Variants in NPHP3 observed in about 807,000 individuals in gnomAD.
NPHP3 encodes the protein nephrocystin 3.
NPHP3 carries 123 observed loss-of-function variants against 171.9 expected under a neutral mutation model. That is an observed-to-expected ratio of 0.72 (90% CI 0.62 to 0.83). NPHP3 has a LOEUF of 0.83. Among genes scored for constraint, NPHP3 ranks in the 40% least tolerant of loss-of-function variants. The pLI is 0.00. For missense variants in NPHP3, 1,506 were observed against 1,591.9 expected, an observed-to-expected ratio of 0.95 and a Z score of 0.92; for synonymous variants, 558 against 579.2, an observed-to-expected ratio of 0.96 and a Z score of 0.52.
intron 17 of NPHP3, among the ~76,000 whole-genome samples, chr3:132,692,424 T>C (rs534447454): frequency 1.3e-5 from 2 of 152,244 alleles, no homozygotes; most frequent in Non-Finnish European, 2.9e-5. Context: ...GACTTATTTT[T>C]TAATTTTAAA....
At chr3:132,711,921 A>G (rs1001278234) in intron 6 of NPHP3, among the ~76,000 whole-genome samples, 1 of 152,206 alleles carries the variant, frequency 6.6e-6, no homozygotes, top group East Asian at 1.9e-4. Context: ...AGGGTCTACA[A>G]TGGGTTATGC....
Position 132,683,477 on chromosome 3 carries a change from A to G in NPHP3, c.3618T>C (p.Ile1206=). The G allele has an allele frequency of 6.2e-7, 1 of 1,613,306 alleles. No homozygotes were observed. Residue 1206 remains isoleucine, a synonymous_variant, in exon 25 of 27, where the codon ATT becomes ATC. Transcript: ENST00000337331. ...GCTTTGGGCCAAAAGATTTCTGTCG[A>G]ATTTCAACAGCCAATTCATACAAAG... is the stretch of plus-strand genomic sequence containing the variant. ...AVPLYELAVE[I]RQKSFGPKHP... is the part of the protein sequence containing the mutation.
chr3:132,695,978 T>C (rs1939443234), intron 15 of NPHP3, among the ~76,000 whole-genome samples: 1 of 152,124 alleles, frequency 6.6e-6, no homozygotes, highest in African/African-American at 2.4e-5. Flanking sequence ...AATGTAAAGT[T>C]TCAGAAGATT....
At chr3:132,710,376 A>G (rs1481282717) in intron 6 of NPHP3, among the ~76,000 whole-genome samples, 1 of 151,890 alleles carries the variant, frequency 6.6e-6, no homozygotes, top group East Asian at 1.9e-4. Context: ...AATGAAACCA[A>G]TAATAGGGCC....
Position 132,697,339 on chromosome 3 carries a change from T to A in NPHP3, c.2009A>T (p.Asp670Val). Residue 670 changes from aspartate (D) to valine (V), a missense_variant, in exon 14 of 27, where the codon GAT becomes GTT. Asp to Val is a radical substitution (Grantham distance 152). Coordinates refer to ENST00000337331, the MANE Select transcript of NPHP3 (RefSeq NM_153240.5). ...AWRLWPTLHLDPLSPKDAKSI... is the reference protein window; with the variant it reads ...AWRLWPTLHLVPLSPKDAKSI... ...TTTTGCATCTTTTGGACTTAAGGGA[T>A]CAAGATGAAGTGTAGGCCACAACCT... is the stretch of plus-strand genomic sequence containing the variant. 1 of 1,611,378 alleles carries A rather than the reference T, an allele frequency of 6.2e-7. No homozygotes were observed. Among genetic ancestry groups the A allele is most frequent in the Non-Finnish European group, 8.5e-7 (1 of 1,178,858 alleles).
chr3:132,692,638 C>T lies in NPHP3; in HGVS notation c.2475+16G>A. The T allele has an allele frequency of 6.2e-7, 1 of 1,610,776 alleles. No individual in the cohort carries two copies. Among genetic ancestry groups the T allele is most frequent in the Non-Finnish European group, 8.5e-7 (1 of 1,177,258 alleles). On this transcript the variant is annotated intron_variant, in intron 17 of 26. Coordinates refer to ENST00000337331, the MANE Select transcript of NPHP3 (RefSeq NM_153240.5). ...TCTTAAATAAATAAATAAAAAGATG[C>T]CTAAAATAACATTACCTGCAGATGT... is the stretch of plus-strand genomic sequence containing the variant.
At chr3:132,711,226 C>T (rs945473147) in intron 6 of NPHP3, among the ~76,000 whole-genome samples, 8 of 152,104 alleles carry the variant, frequency 5.3e-5, no homozygotes, top group Non-Finnish European at 1.2e-4. Flanking sequence ...GTGTGGAGCC[C>T]ATCCCCACTG....
chr3:132,706,387 A>C (rs1007925082), intron 7 of NPHP3, among the ~76,000 whole-genome samples: 40 of 151,594 alleles, frequency 2.6e-4, no homozygotes, highest in Admixed American at 7.9e-4. Flanking sequence ...CAAAAAAAAA[A>C]CCAAGAAGTA....
intron 4 of NPHP3, among the ~76,000 whole-genome samples, chr3:132,715,557 A>G (rs1940029719): frequency 1.3e-5 from 2 of 152,348 alleles, no homozygotes; most frequent in South Asian, 4.1e-4. Flanking sequence ...CTTTCTTATT[A>G]TTCTTGAAAT....
Position 132,681,980 on chromosome 3 carries a change from G to A in NPHP3, c.3923C>T (p.Ser1308Leu), listed in dbSNP as rs757874321. Residue 1308 changes from serine (S) to leucine (L), a missense_variant, in exon 27 of 27, where the codon TCA (serine) becomes TTA (leucine). Ser to Leu is a moderately radical substitution (Grantham distance 145, BLOSUM62 -2). Coordinates refer to ENST00000337331, the MANE Select transcript of NPHP3 (RefSeq NM_153240.5). ...LGGKAPSRHSSSGDTFSLKTA... is the reference protein window; with the variant it reads ...LGGKAPSRHSLSGDTFSLKTA... The stretch of plus-strand genomic sequence containing the variant: ...TTTTAAGCTAAACGTGTCTCCACTT[G>A]ATGAATGGCGTGAAGGAGCTTTTCC... The A allele has an allele frequency of 2.5e-6, 4 of 1,613,926 alleles. No individual in the cohort carries two copies. In the East Asian group the frequency reaches 8.9e-5, roughly 36 times the overall value.
At position 132,719,967 on chromosome 3, in the gene NPHP3, CA is replaced by C. The variant is rs548463879; in HGVS notation, c.394-138del. The C allele has an allele frequency of 5.3e-5, 19 of 355,448 alleles. No individual in the cohort carries two copies. The South Asian group carries it at 1.8e-3, about 35-fold the overall frequency. 22.0% of individuals were successfully genotyped at this position (355,448 alleles called of 1,614,324 possible). On this transcript the variant is annotated intron_variant, in intron 1 of 26. Transcript: ENST00000337331. ...GTCTACTTATTATTTTACCAATTAT[CA>C]GGAACTTCATGTTGCCATTTTATTC...
chr3:132,689,292 G>T (rs1314187290), intron 19 of NPHP3, 29 bp from the exon 20 acceptor site: 5 of 1,605,440 alleles, frequency 3.1e-6, no homozygotes, highest in Non-Finnish European at 4.3e-6. Flanking sequence ...GTACTTTAAT[G>T]AAAAACACAC....
In NPHP3 at chr3:132,692,528, G is replaced by T. The variant is rs1172242062; in HGVS notation, c.2475+126C>A. The T allele has an allele frequency of 5.1e-6, 4 of 786,672 alleles. No individual in the cohort carries two copies. In the African/African-American group the frequency reaches 7.0e-5, roughly 14 times the overall value. 48.7% of individuals were successfully genotyped at this position (786,672 alleles called of 1,614,324 possible). ...TATTGTTAACTATAGGGACAATGTTGTATAGCAGATCTTTAGAATTTATTC... is the reference window on the plus strand; with the variant it reads ...TATTGTTAACTATAGGGACAATGTTTTATAGCAGATCTTTAGAATTTATTC... On this transcript the variant is annotated intron_variant, in intron 17 of 26. Coordinates refer to ENST00000337331, the MANE Select transcript of NPHP3 (RefSeq NM_153240.5).
intron 3 of NPHP3, among the ~76,000 whole-genome samples, chr3:132,718,773 G>A (rs1940124371): frequency 6.6e-6 from 1 of 152,228 alleles, no homozygotes; most frequent in African/African-American, 2.4e-5. Flanking sequence ...GGTTGGCAGA[G>A]TGACAAGGTA....
At chr3:132,717,042 T>C in intron 3 of NPHP3, 133 bp from the exon 4 acceptor site, 1 of 1,015,754 alleles carries the variant, frequency 9.8e-7, no homozygotes, top group Non-Finnish European at 1.4e-6. Context: ...ATTTTGAAAA[T>C]ACTTTGCCAT....
Position 132,683,531 on chromosome 3 carries a change from A to C in NPHP3, c.3571-7T>G, listed in dbSNP as rs762048502. The C allele has an allele frequency of 1.8e-5, 29 of 1,610,106 alleles. No individual in the cohort carries two copies. The highest frequency in any genetic ancestry group is 2.5e-5 in the Non-Finnish European group (29 of 1,176,972). ...CAGCTTTGTCAAGTTTCCCCTAAAAAACAAGAGTTAAATCTAACAAAAATA... is the reference window on the plus strand; with the variant it reads ...CAGCTTTGTCAAGTTTCCCCTAAAACACAAGAGTTAAATCTAACAAAAATA... On this transcript the variant is annotated splice_region_variant and splice_polypyrimidine_tract_variant and intron_variant, in intron 24 of 26. Transcript: ENST00000337331.
At position 132,688,789 on chromosome 3, in the gene NPHP3, C is replaced by G. The variant is rs150867534; in HGVS notation, c.2986G>C (p.Val996Leu). The G allele has an allele frequency of 1.2e-6, 2 of 1,614,050 alleles. No homozygotes were observed. The highest frequency in any genetic ancestry group is 1.3e-5 in the African/African-American group (1 of 75,010). Residue 996 changes from valine (V) to leucine (L), a missense_variant, in exon 21 of 27, where the codon GTG becomes CTG. Coordinates refer to ENST00000337331, the MANE Select transcript of NPHP3 (RefSeq NM_153240.5). ...GCATTGCCAAACTTCTTCCACTGCACGTATACACTTGCTAGTTGGTGGAGG... is the reference window on the plus strand; with the variant it reads ...GCATTGCCAAACTTCTTCCACTGCAGGTATACACTTGCTAGTTGGTGGAGG... ...QSLHQLASVY[V>L]QWKKFGNAEQ...
rs777023966 is a variant in NPHP3 at position 132,722,134 on chromosome 3, G to C, written c.222C>G (p.Phe74Leu). The change falls in exon 1 of 27, where the codon TTC becomes TTG. Residue 74 changes from phenylalanine to leucine, a missense_variant. Transcript: ENST00000337331. ...VGAGGLLGAS[F>L]KSTGSSVPEL... ...CTGGCACCGACGAGCCAGTGGACTTGAAGCTGGCCCCCAGCAGCCCGCCCG... is the reference window on the plus strand; with the variant it reads ...CTGGCACCGACGAGCCAGTGGACTTCAAGCTGGCCCCCAGCAGCCCGCCCG... 1 of 1,601,790 alleles carries C rather than the reference G, an allele frequency of 6.2e-7. No homozygotes were observed. The highest frequency in any genetic ancestry group is 1.1e-5 in the South Asian group (1 of 90,572).
chr3:132,697,141 T>C (rs1478707003), intron 14 of NPHP3, 119 bp downstream of exon 14: 4 of 771,678 alleles, frequency 5.2e-6, no homozygotes, highest in Middle Eastern at 2.9e-4. Context: ...ACCAAAGTAA[T>C]TACTAAACTC....
Sources: allele counts gnomAD v4.1 joint callset (sites outside exome capture counted in the v4.1 genomes callset), GRCh38; gene constraint gnomAD v4.1.1; transcripts MANE v1.5; gene names NCBI Gene and HGNC (gene_info 2026-07-23, HGNC 2026-07-21).